Variants in ZC3H12B observed in about 807,000 individuals in gnomAD.
ZC3H12B encodes the protein zinc finger CCCH-type containing 12B.
ZC3H12B carries 7 observed loss-of-function variants against 43.9 expected under a neutral mutation model. The ratio of observed to expected loss-of-function variants is 0.16; its 90% CI spans 0.09 to 0.30. The LOEUF (loss-of-function observed/expected upper bound fraction) is 0.30. Among genes scored for constraint, ZC3H12B ranks in the 10% least tolerant of loss-of-function variants. The pLI is 1.00. For missense variants in ZC3H12B, 475 were observed against 670.2 expected, an observed-to-expected ratio of 0.71 and a Z score of 3.22; for synonymous variants, 222 against 241.7, an observed-to-expected ratio of 0.92 and a Z score of 0.76.
chrX:65,111,697 G>A, the ZC3H12B span, among the ~76,000 whole-genome samples: 1 of 109,637 alleles, frequency 9.1e-6, no homozygotes, highest in Non-Finnish European at 1.9e-5. Context: ...ATCTATTATG[G>A]TGATTTGTGA....
At chrX:65,243,911 G>T in the ZC3H12B span, among the ~76,000 whole-genome samples, 8 of 111,752 alleles carry the variant, frequency 7.2e-5, no homozygotes, top group Admixed American at 1.9e-4. Context: ...ATATGTTGGA[G>T]CTAATACAAA....
chrX:65,374,078 CTATA>C (rs771021279), intron 2 of ZC3H12B, among the ~76,000 whole-genome samples: 1 of 50,589 alleles, frequency 2.0e-5, no homozygotes, highest in Non-Finnish European at 2.8e-5. Flanking sequence ...GTATATATAA[CTATA>C]TATAGTATAT....
At chrX:65,324,343 C>A in the ZC3H12B span, among the ~76,000 whole-genome samples, 10 of 111,509 alleles carry the variant, frequency 9.0e-5, no homozygotes, top group Non-Finnish European at 1.5e-4. Context: ...GCATTTAAGT[C>A]TTTAATCCAT....
At chrX:65,435,061 A>T (rs2067204204) in intron 3 of ZC3H12B, among the ~76,000 whole-genome samples, 1 of 112,238 alleles carries the variant, frequency 8.9e-6, no homozygotes, top group Non-Finnish European at 1.9e-5. Flanking sequence ...TAGACAGCCT[A>T]CAAGGTTGGG....
the ZC3H12B span, among the ~76,000 whole-genome samples, chrX:65,181,584 G>C: frequency 9.0e-6 from 1 of 111,707 alleles, no homozygotes; most frequent in Non-Finnish European, 1.9e-5. Context: ...ATCAGAAAGT[G>C]GGCAAAGGAT....
At chrX:65,326,161 A>G in the ZC3H12B span, among the ~76,000 whole-genome samples, 2 of 111,995 alleles carry the variant, frequency 1.8e-5, no homozygotes, top group African/African-American at 6.5e-5. Flanking sequence ...AAAAATAGAC[A>G]TATGGGATTA....
At chrX:65,123,656 G>A in the ZC3H12B span, among the ~76,000 whole-genome samples, 1 of 109,372 alleles carries the variant, frequency 9.1e-6, no homozygotes, top group East Asian at 2.9e-4. Context: ...ATTTCTTTCA[G>A]CAGTGTAATA....
chrX:65,276,490 C>T, the ZC3H12B span, among the ~76,000 whole-genome samples: 1 of 111,262 alleles, frequency 9.0e-6, no homozygotes, highest in Non-Finnish European at 1.9e-5. Flanking sequence ...ATTAGACTAA[C>T]AGTGGATTTC....
At chrX:65,167,737 C>T in the ZC3H12B span, among the ~76,000 whole-genome samples, 3 of 111,687 alleles carry the variant, frequency 2.7e-5, no homozygotes, top group South Asian at 1.1e-3. Flanking sequence ...TGTAGTTCTC[C>T]TTGAAGAGGT....
chrX:65,308,326 A>G, the ZC3H12B span, among the ~76,000 whole-genome samples: 1 of 110,942 alleles, frequency 9.0e-6, no homozygotes, highest in Admixed American at 9.6e-5. Flanking sequence ...AGCAAAAAAA[A>G]GCAGGGGTTG....
intron 3 of ZC3H12B, among the ~76,000 whole-genome samples, chrX:65,471,009 TG>T (rs1027091544): frequency 8.9e-6 from 1 of 111,758 alleles, no homozygotes; most frequent in African/African-American, 3.3e-5. Context: ...TTCTGCAGTT[TG>T]GGGGTAGAAT....
At chrX:65,133,813 A>G in the ZC3H12B span, among the ~76,000 whole-genome samples, 1 of 110,455 alleles carries the variant, frequency 9.1e-6, no homozygotes, top group African/African-American at 3.3e-5. Context: ...AGGAACAGAC[A>G]GGAGAGAAAG....
At chrX:65,361,369 C>A in the ZC3H12B span, among the ~76,000 whole-genome samples, 1 of 111,867 alleles carries the variant, frequency 8.9e-6, no homozygotes, top group African/African-American at 3.2e-5. Flanking sequence ...TTTTTGGGTT[C>A]TTGCCCCCAA....
At chrX:65,428,948 G>T (rs183926823) in intron 3 of ZC3H12B, among the ~76,000 whole-genome samples, 16 of 112,422 alleles carry the variant, frequency 1.4e-4, no homozygotes, top group African/African-American at 4.8e-4. Context: ...TTTTGTTAAT[G>T]CTGTTGTTGT....
At chrX:65,199,066 GTCA>G in the ZC3H12B span, among the ~76,000 whole-genome samples, 1 of 109,581 alleles carries the variant, frequency 9.1e-6, no homozygotes, top group African/African-American at 3.3e-5. Context: ...TTGGCCTCAT[GTCA>G]TCTGCCCACG....
the ZC3H12B span, among the ~76,000 whole-genome samples, chrX:65,148,555 C>A: frequency 9.0e-6 from 1 of 110,927 alleles, no homozygotes; most frequent in East Asian, 2.9e-4. Context: ...TCTGAGTAGT[C>A]TAGCCTGCAC....
At chrX:65,418,454 A>T (rs1319157064) in intron 3 of ZC3H12B, among the ~76,000 whole-genome samples, 2 of 111,431 alleles carry the variant, frequency 1.8e-5, no homozygotes, top group African/African-American at 6.5e-5. Context: ...AAGAGTGGGA[A>T]CTGCAGTAAC....
the ZC3H12B span, among the ~76,000 whole-genome samples, chrX:65,162,049 A>G: frequency 4.5e-5 from 5 of 111,360 alleles, no homozygotes; most frequent in African/African-American, 1.6e-4. Context: ...TGGATATGAA[A>G]TTCTGGGTTG....
the ZC3H12B span, among the ~76,000 whole-genome samples, chrX:65,230,085 C>A: frequency 1.9e-4 from 21 of 110,928 alleles, no homozygotes; most frequent in African/African-American, 6.9e-4. Context: ...CACATGCACA[C>A]GTATGTTTAT....
Sources: allele counts gnomAD v4.1 joint callset (sites outside exome capture counted in the v4.1 genomes callset), GRCh38; gene constraint gnomAD v4.1.1; transcripts MANE v1.5; gene names NCBI Gene and HGNC (gene_info 2026-07-23, HGNC 2026-07-21).